The following COG3 variants were observed in gnomAD, a reference collection of about 807,000 sequenced individuals.
COG3 encodes the protein component of oligomeric golgi complex 3, also known as conserved oligomeric Golgi complex subunit 3.
Under a neutral mutation model 114.1 loss-of-function variants are expected in COG3, and 32 were observed. The ratio of observed to expected loss-of-function variants is 0.28; its 90% CI spans 0.21 to 0.38. The LOEUF is 0.38. Ranked by LOEUF, COG3 falls within the 10% of genes least tolerant of loss-of-function variation. The pLI is 1.00. For missense variants in COG3, 813 were observed against 973.2 expected (o/e 0.84, Z 2.19); for synonymous variants, 352 against 365.7 (o/e 0.96, Z 0.43).
intron 19 of COG3, among the ~76,000 whole-genome samples, chr13:45,520,340 C>T (rs1871997542): frequency 7.9e-6 from 1 of 127,220 alleles, no homozygotes; most frequent in South Asian, 2.6e-4. Context: ...AAGAAAACGT[C>T]TTGAAATTTT....
At chr13:45,503,122 A>AT (rs1869722802) in intron 13 of COG3, 122 bp from the exon 14 acceptor site, 2 of 469,622 alleles carry the variant, frequency 4.3e-6, no homozygotes, top group Non-Finnish European at 7.6e-6. Context: ...TCCAGTCTTA[A>AT]ATCTGAATAG....
At chr13:45,465,307 T>C in intron 1 of COG3, 97 bp downstream of exon 1, 1 of 1,488,566 alleles carries the variant, frequency 6.7e-7, no homozygotes. Flanking sequence ...CTGCCCAGGA[T>C]ATCTCTCCAC....
intron 4 of COG3, among the ~76,000 whole-genome samples, chr13:45,480,766 A>T (rs1386225954): frequency 6.6e-6 from 1 of 152,012 alleles, no homozygotes; most frequent in Non-Finnish European, 1.5e-5. Context: ...GAGTTTCACC[A>T]TGTTGGCTAG....
rs534972159 is a variant in COG3 at position 45,526,274 on chromosome 13, C to T, written c.2230+1223C>T. ...CTAATTGTTGTATTTTTAGTAGAGA[C>T]GGGGTTTTACCATGTTGGCCAGGCT... On this transcript the variant is annotated intron_variant, in intron 20 of 22. Coordinates refer to ENST00000349995, the MANE Select transcript of COG3 (RefSeq NM_031431.4). Among the ~76,000 whole-genome samples, 251 of 151,224 alleles carry T rather than the reference C, an allele frequency of 1.7e-3. 2 individuals are homozygous for T. Among genetic ancestry groups the T allele is most frequent in the African/African-American group, 4.5e-3 (187 of 41,264 alleles).
chr13:45,489,790 G>T (rs977389339), intron 8 of COG3, among the ~76,000 whole-genome samples: 2 of 149,116 alleles, frequency 1.3e-5, no homozygotes, highest in Admixed American at 6.8e-5. Flanking sequence ...TTGTTGGTTA[G>T]AATGTACTCC....
At position 45,465,143 on chromosome 13, in the gene COG3, C is replaced by G. The variant is rs528692223; in HGVS notation, c.107C>G (p.Thr36Ser). ...AGACCGGACACGACGGCGCCGCTGA[C>G]CGACAGGCAGACGGACTCGGTATTG... ...DRRPDTTAPL[T>S]DRQTDSVLEL... The change falls in exon 1 of 23, where the codon ACC becomes AGC. Residue 36 changes from threonine to serine, a missense_variant. Physicochemically the swap from Thr to Ser is moderately conservative, Grantham distance 58. Coordinates refer to ENST00000349995, the MANE Select transcript of COG3 (RefSeq NM_031431.4). 2 of 1,613,668 alleles carry G rather than the reference C, an allele frequency of 1.2e-6. No homozygotes were observed. The highest frequency in any genetic ancestry group is 2.2e-5 in the East Asian group (1 of 44,868).
At chr13:45,513,255 T>C (rs1461829776) in intron 16 of COG3, among the ~76,000 whole-genome samples, 1 of 55,592 alleles carries the variant, frequency 1.8e-5, no homozygotes, top group African/African-American at 7.1e-5. Flanking sequence ...ATACATATAA[T>C]ATATACATAT....
At chr13:45,467,303 T>C (rs2137764815) in intron 1 of COG3, among the ~76,000 whole-genome samples, 1 of 152,336 alleles carries the variant, frequency 6.6e-6, no homozygotes, top group African/African-American at 2.4e-5. Context: ...GAGAATGCAA[T>C]AGCTGAGGCC....
intron 17 of COG3, among the ~76,000 whole-genome samples, chr13:45,517,013 A>G (rs999958429): frequency 4.6e-5 from 7 of 152,150 alleles, no homozygotes; most frequent in Non-Finnish European, 2.9e-5. Context: ...TTAGTAAGAG[A>G]TGATTTCTAA....
At chr13:45,484,054 G>T (rs937038036) in intron 7 of COG3, among the ~76,000 whole-genome samples, 1 of 152,076 alleles carries the variant, frequency 6.6e-6, no homozygotes, top group African/African-American at 2.4e-5. Context: ...AGCTAAGATG[G>T]TCATTGAAAA....
At chr13:45,524,862 T>C in intron 19 of COG3, 114 bp from the exon 20 acceptor site, 1 of 602,040 alleles carries the variant, frequency 1.7e-6, no homozygotes, top group South Asian at 2.7e-5. Context: ...TGTGTTTTAA[T>C]AGGTTTAAAT....
Position 45,535,468 on chromosome 13 carries a change from G to C in COG3, c.*737G>C. 2.5e-5 allele frequency: 25 copies of C among 985,456 alleles called. No individual in the cohort carries two copies. Among genetic ancestry groups the C allele is most frequent in the Non-Finnish European group, 3.0e-5 (25 of 829,960 alleles). 61.0% of individuals were successfully genotyped at this position (985,456 alleles called of 1,614,324 possible). A position where few individuals can be genotyped will look rare whatever the true frequency, so the allele number is the denominator to read the frequency against. ...TAATGAGTATCTTCATGGTATGATA[G>C]TGTGTGTTTGTGAGTGCGAAGTACC... On this transcript the variant is annotated 3_prime_UTR_variant, in exon 23 of 23. Coordinates refer to ENST00000349995, the MANE Select transcript of COG3 (RefSeq NM_031431.4).
intron 1 of COG3, among the ~76,000 whole-genome samples, chr13:45,468,686 G>T (rs867855362): frequency 6.6e-6 from 1 of 152,152 alleles, no homozygotes; most frequent in Admixed American, 6.5e-5. Flanking sequence ...CAAAGCTTGA[G>T]AATTTATTGT....
In COG3 at chr13:45,519,496, A is replaced by G. The variant is rs1871883053; in HGVS notation, c.2154+402A>G. ...GGTGATTTGTTTTCCTCTTTGTTTTACATGCCGTTTTTCTCTTCCATTTTG... is the reference window on the plus strand; with the variant it reads ...GGTGATTTGTTTTCCTCTTTGTTTTGCATGCCGTTTTTCTCTTCCATTTTG... On this transcript the variant is annotated intron_variant, in intron 19 of 22. Transcript: ENST00000349995. Among the ~76,000 whole-genome samples, 2 of 152,192 alleles carry G rather than the reference A, an allele frequency of 1.3e-5. 1 individual carries two copies. Among genetic ancestry groups the G allele is most frequent in the South Asian group, 4.1e-4 (2 of 4,826 alleles).
intron 22 of COG3, among the ~76,000 whole-genome samples, chr13:45,532,328 T>G (rs1202139714): frequency 6.6e-6 from 1 of 152,208 alleles, no homozygotes; most frequent in Admixed American, 6.5e-5. Flanking sequence ...TATATGATTG[T>G]ACCACTAACT....
rs189506266 is a variant in COG3, at chr13:45,468,441, C to A, written c.174+3231C>A. ...TGAGCTGGTATAGGTGTCATTCAGA[C>A]CAAAGGTAAGAAAAGGAGAGGTTAA... On this transcript the variant is annotated intron_variant, in intron 1 of 22. Transcript: ENST00000349995. 2.9e-3 allele frequency among the ~76,000 whole-genome samples: 444 copies of A among 152,180 alleles called. 6 individuals are homozygous for A. The highest frequency in any genetic ancestry group is 9.9e-3 in the African/African-American group (411 of 41,498).
At position 45,535,116 on chromosome 13, in the gene COG3, T is replaced by G. The variant is rs1873465179; in HGVS notation, c.*385T>G. ...AAGCGAATTAGAAGGCCTGTAAGAGTAAGGTTTGCTAAAACGTGAAACACT... is the reference window on the plus strand; with the variant it reads ...AAGCGAATTAGAAGGCCTGTAAGAGGAAGGTTTGCTAAAACGTGAAACACT... On this transcript the variant is annotated 3_prime_UTR_variant, in exon 23 of 23. Transcript: ENST00000349995. 3 of 1,011,946 alleles carry G rather than the reference T, an allele frequency of 3.0e-6. No individual in the cohort carries two copies. The Admixed American group carries it at 1.8e-4, about 60-fold the overall frequency. The allele number at this position is 1,011,946 out of a possible 1,614,324, so 62.7% of individuals were successfully genotyped here.
intron 7 of COG3, among the ~76,000 whole-genome samples, chr13:45,486,133 A>G (rs112485953): frequency 0.087 from 11,817 of 135,610 alleles, 659 homozygotes; most frequent in African/African-American, 0.16. Context: ...AACACAGCGA[A>G]ACCCCGTCTC....
chr13:45,473,104 C>T (rs535806759), intron 1 of COG3, among the ~76,000 whole-genome samples: 1 of 152,102 alleles, frequency 6.6e-6, no homozygotes, highest in Admixed American at 6.5e-5. Context: ...CTCCTGACCT[C>T]GTGATCCTCC....
Sources: gnomAD v4.1 joint callset for allele counts (sites outside exome capture counted in the v4.1 genomes callset) on GRCh38, gnomAD v4.1.1 for gene constraint, MANE v1.5 for transcripts, NCBI Gene and HGNC (gene_info 2026-07-23, HGNC 2026-07-21) for gene names.